Variants in TIMP3 observed in about 807,000 individuals in gnomAD.
TIMP3 encodes the protein metalloproteinase inhibitor 3.
A neutral mutation model predicts 30.0 loss-of-function variants in TIMP3; 11 were observed. The observed-to-expected ratio is 0.37, with a 90% CI of 0.23 to 0.61. TIMP3 has a LOEUF of 0.61. TIMP3 is among the 20% of genes least tolerant of loss of function. The probability of loss-of-function intolerance (pLI) is 0.70; values close to 1 mark genes in which losing one functional copy is unlikely to be tolerated. For synonymous variants in TIMP3, 112 were observed against 111.3 expected, an observed-to-expected ratio of 1.01 and a Z score of -0.04; for missense variants, 181 against 276.8, an observed-to-expected ratio of 0.65 and a Z score of 2.45.
rs2046663959 is a variant in TIMP3 at position 32,804,191 on chromosome 22, C to T, written c.121+2069C>T. Among the ~76,000 whole-genome samples the T allele has an allele frequency of 2.0e-5, 3 of 152,178 alleles. No homozygotes were observed. In the South Asian group the frequency reaches 6.2e-4, roughly 31 times the overall value. ...AAATCTTCGATGCTCTGGCACGGATCCCAAATTGTTCTGCCTGGGTTTGGT... is the reference window on the plus strand; with the variant it reads ...AAATCTTCGATGCTCTGGCACGGATTCCAAATTGTTCTGCCTGGGTTTGGT... On this transcript the variant is annotated intron_variant, in intron 1 of 4. Transcript: ENST00000266085.
chr22:32,806,511 C>T (rs1311139021), intron 1 of TIMP3, among the ~76,000 whole-genome samples: 1 of 152,158 alleles, frequency 6.6e-6, no homozygotes. Flanking sequence ...TCCTGGGTGG[C>T]CTTGAGAGGC....
intron 2 of TIMP3, among the ~76,000 whole-genome samples, chr22:32,855,448 G>A (rs2048337445): frequency 1.3e-5 from 2 of 152,188 alleles, no homozygotes; most frequent in Admixed American, 1.3e-4. Flanking sequence ...CTAAGATAAT[G>A]GGTAAGAGTA....
At chr22:32,855,251 G>C (rs976205897) in intron 2 of TIMP3, among the ~76,000 whole-genome samples, 1 of 152,220 alleles carries the variant, frequency 6.6e-6, no homozygotes, top group Non-Finnish European at 1.5e-5. Context: ...CACTGGGCTT[G>C]TGTAATACTC....
intron 1 of TIMP3, among the ~76,000 whole-genome samples, chr22:32,832,635 C>G (rs766362146): frequency 3.3e-5 from 5 of 150,988 alleles, no homozygotes; most frequent in Non-Finnish European, 7.4e-5. Context: ...TAAATCACAT[C>G]AAAGTTGGGA....
chr22:32,859,248 C>G lies in TIMP3; in HGVS notation c.507C>G (p.Leu169=). 6.2e-7 allele frequency: 1 copy of G among 1,614,220 alleles called. No homozygotes were observed. Among genetic ancestry groups the G allele is most frequent in the Non-Finnish European group, 8.5e-7 (1 of 1,180,040 alleles). ...SKNECLWTDM[L]SNFGYPGYQS... The stretch of plus-strand genomic sequence containing the variant: ...ACGAGTGTCTCTGGACCGACATGCT[C>G]TCCAATTTCGGTTACCCTGGCTACC... The change falls in exon 5 of 5, where the codon CTC becomes CTG. Residue 169 remains leucine (L), a synonymous_variant. Transcript: ENST00000266085.
At chr22:32,803,415 AGAGTGGG>A (rs1225123186) in intron 1 of TIMP3, among the ~76,000 whole-genome samples, 1 of 152,114 alleles carries the variant, frequency 6.6e-6, no homozygotes, top group Non-Finnish European at 1.5e-5. Flanking sequence ...CCTAGAGGTC[AGAGTGGG>A]GGTGTGGTGA....
At chr22:32,825,103 A>C (rs2047363173) in intron 1 of TIMP3, among the ~76,000 whole-genome samples, 1 of 152,120 alleles carries the variant, frequency 6.6e-6, no homozygotes, top group Non-Finnish European at 1.5e-5. Context: ...GGGTTTGGTA[A>C]ACAGCTGGCC....
chr22:32,845,856 G>T lies in TIMP3; in HGVS notation c.122-3596G>T, dbSNP rs73158350. ...CCACCCCACTTCCCTTGTTCCCTGTGGCCCCTGGGCCAGCGAATGCCTCGG... is the reference window on the plus strand; with the variant it reads ...CCACCCCACTTCCCTTGTTCCCTGTTGCCCCTGGGCCAGCGAATGCCTCGG... On this transcript the variant is annotated intron_variant, in intron 1 of 4. Coordinates refer to ENST00000266085, the MANE Select transcript of TIMP3 (RefSeq NM_000362.5). Among the ~76,000 whole-genome samples the T allele has an allele frequency of 3.6e-3, 553 of 152,324 alleles. 4 individuals carry two copies. Among genetic ancestry groups the T allele is most frequent in the South Asian group, 0.011 (52 of 4,828 alleles).
intron 1 of TIMP3, among the ~76,000 whole-genome samples, chr22:32,832,253 C>G (rs115726591): frequency 9.0e-4 from 137 of 152,232 alleles, no homozygotes; most frequent in African/African-American, 3.3e-3. Flanking sequence ...ACAGGAAGCA[C>G]GTGACAACTT....
intron 1 of TIMP3, among the ~76,000 whole-genome samples, chr22:32,819,756 G>T (rs951766535): frequency 2.6e-5 from 4 of 152,180 alleles, no homozygotes; most frequent in Non-Finnish European, 5.9e-5. Context: ...AGAAGAGGAG[G>T]ATTCTGAAAC....
At chr22:32,836,956 A>G (rs1158029086) in intron 1 of TIMP3, among the ~76,000 whole-genome samples, 1 of 152,182 alleles carries the variant, frequency 6.6e-6, no homozygotes, top group Non-Finnish European at 1.5e-5. Context: ...CTGGGAACAG[A>G]TTTGCTGTCT....
At chr22:32,830,409 T>C (rs2047538368) in intron 1 of TIMP3, among the ~76,000 whole-genome samples, 1 of 152,130 alleles carries the variant, frequency 6.6e-6, no homozygotes, top group Non-Finnish European at 1.5e-5. Context: ...CGACAGTCTA[T>C]AGCTAGGAGG....
intron 4 of TIMP3, among the ~76,000 whole-genome samples, chr22:32,858,501 G>T (rs1323326616): frequency 6.6e-6 from 1 of 152,128 alleles, no homozygotes; most frequent in Non-Finnish European, 1.5e-5. Context: ...GCTCACCCTG[G>T]TAGCTGACTC....
At chr22:32,813,512 C>G (rs1369669976) in intron 1 of TIMP3, among the ~76,000 whole-genome samples, 2 of 147,218 alleles carry the variant, frequency 1.4e-5, no homozygotes, top group African/African-American at 5.4e-5. Context: ...CACACACACA[C>G]ACACACACAC....
At chr22:32,822,250 C>T (rs557592084) in intron 1 of TIMP3, among the ~76,000 whole-genome samples, 2 of 152,200 alleles carry the variant, frequency 1.3e-5, no homozygotes, top group Admixed American at 1.3e-4. Context: ...CAAAGTCTTC[C>T]TCGCTGTCTC....
chr22:32,813,486 T>TAC lies in TIMP3; in HGVS notation c.121+11413_121+11414dup, dbSNP rs130277. On this transcript the variant is annotated intron_variant, in intron 1 of 4. Coordinates refer to ENST00000266085, the MANE Select transcript of TIMP3 (RefSeq NM_000362.5). ...TTTAATGTAACATCTTCTGAAAAGA[T>TAC]ACACACACACACACACACACACACA... Among the ~76,000 whole-genome samples, 1,207 of 138,276 alleles carry TAC rather than the reference T, an allele frequency of 8.7e-3. 2 individuals carry two copies. The highest frequency in any genetic ancestry group is 0.011 in the Middle Eastern group (3 of 278). 90.7% of individuals were successfully genotyped at this position (138,276 alleles called of 152,430 possible). A position where few individuals can be genotyped will look rare whatever the true frequency, so the allele number is the denominator to read the frequency against.
intron 1 of TIMP3, among the ~76,000 whole-genome samples, chr22:32,814,141 TGA>T (rs1205873097): frequency 2.4e-4 from 24 of 98,494 alleles, no homozygotes; most frequent in South Asian, 8.1e-4. Flanking sequence ...TGTGTGTGTG[TGA>T]GAGAGAGAGA....
intron 1 of TIMP3, among the ~76,000 whole-genome samples, chr22:32,843,942 T>G (rs368512889): frequency 1.2e-4 from 19 of 152,154 alleles, no homozygotes; most frequent in Admixed American, 2.6e-4. Context: ...TGTGTGTGTG[T>G]GGGGTGGCGG....
intron 1 of TIMP3, among the ~76,000 whole-genome samples, chr22:32,812,194 C>T (rs1011709628): frequency 8.5e-5 from 13 of 152,150 alleles, no homozygotes; most frequent in African/African-American, 3.1e-4. Context: ...CTCTAAGTTC[C>T]CTTGGAAAGG....
Sources: allele counts gnomAD v4.1 joint callset (sites outside exome capture counted in the v4.1 genomes callset), GRCh38; gene constraint gnomAD v4.1.1; transcripts MANE v1.5; gene names NCBI Gene and HGNC (gene_info 2026-07-23, HGNC 2026-07-21).